RHBDD2: variants seen among roughly 807,000 people sequenced by gnomAD.
RHBDD2 encodes rhomboid domain-containing protein 2.
A neutral mutation model predicts 21.7 loss-of-function variants in RHBDD2; 13 were observed. The ratio of observed to expected loss-of-function variants is 0.60; its 90% CI spans 0.39 to 0.95. The LOEUF (loss-of-function observed/expected upper bound fraction) is 0.95, where lower values mean the gene tolerates loss of function less well. Among genes scored for constraint, RHBDD2 ranks in the 40% least tolerant of loss-of-function variants. RHBDD2 has a pLI of 0.00. For missense variants in RHBDD2, 473 were observed against 478.9 expected (o/e 0.99, Z 0.11); for synonymous variants, 225 against 220.0 (o/e 1.02, Z -0.20).
In RHBDD2 at chr7:75,879,064, C is replaced by G; in HGVS notation, c.-19C>G. 7.3e-7 allele frequency: 1 copy of G among 1,365,754 alleles called. No homozygotes were observed. The highest frequency in any genetic ancestry group is 9.5e-7 in the Non-Finnish European group (1 of 1,055,612). 84.6% of individuals were successfully genotyped at this position (1,365,754 alleles called of 1,614,324 possible). A position where few individuals can be genotyped will look rare whatever the true frequency, so the allele number is the denominator to read the frequency against. On this transcript the variant is annotated 5_prime_UTR_variant, in exon 1 of 4. Transcript: ENST00000006777. ...ACCGGCAGCCGGCGTCGAGGCGGGG[C>G]GCGGGAACGACGGCGGCCATGGCGG...
chr7:75,887,789 A>C (rs1490566767), intron 3 of RHBDD2, among the ~76,000 whole-genome samples: 1 of 152,086 alleles, frequency 6.6e-6, no homozygotes, highest in African/African-American at 2.4e-5. Flanking sequence ...CCCTTGCTGC[A>C]GGACTGCAAC....
chr7:75,880,760 G>A (rs1019853631), intron 1 of RHBDD2, among the ~76,000 whole-genome samples: 2 of 151,996 alleles, frequency 1.3e-5, no homozygotes, highest in Non-Finnish European at 2.9e-5. Context: ...TAGGGTCTTC[G>A]TCTTACCCAG....
chr7:75,880,820 G>T (rs1554542302), intron 1 of RHBDD2, among the ~76,000 whole-genome samples: 1 of 152,110 alleles, frequency 6.6e-6, no homozygotes, highest in Non-Finnish European at 1.5e-5. Flanking sequence ...TCAACTCCTG[G>T]AATCAAGCGA....
In RHBDD2 at chr7:75,882,064, G is replaced by A. The variant is rs1271070035; in HGVS notation, c.414G>A (p.Val138=). 6 of 1,614,084 alleles carry A rather than the reference G, an allele frequency of 3.7e-6. No homozygotes were observed. The highest frequency in any genetic ancestry group is 1.3e-5 in the African/African-American group (1 of 74,926). Reference sequence around the variant, plus strand: ...AGGATGCCAGAGGTTTCACCCCAGTGGCCTTTGCCATGCTGGGAGTCACCA... The same window carrying A: ...AGGATGCCAGAGGTTTCACCCCAGTAGCCTTTGCCATGCTGGGAGTCACCA... The part of the protein sequence containing the change: ...EVEDARGFTP[V]AFAMLGVTTV... The change falls in exon 2 of 4, where the codon GTG becomes GTA. Residue 138 remains valine, a synonymous_variant. Coordinates refer to ENST00000006777, the MANE Select transcript of RHBDD2 (RefSeq NM_001040456.3).
chr7:75,884,381 C>G lies in RHBDD2; in HGVS notation c.737+533C>G, dbSNP rs559523794. Among the ~76,000 whole-genome samples the G allele has an allele frequency of 1.8e-4, 27 of 152,180 alleles. No homozygotes were observed. In the South Asian group the frequency reaches 5.4e-3, roughly 30 times the overall value. On this transcript the variant is annotated intron_variant, in intron 3 of 3. Coordinates refer to ENST00000006777, the MANE Select transcript of RHBDD2 (RefSeq NM_001040456.3). ...AGACTACAGGCACATACCATCATGC[C>G]TAGCTAACTTAAATTTTTTGTAGGG...
intron 3 of RHBDD2, among the ~76,000 whole-genome samples, chr7:75,884,079 G>C (rs1352033649): frequency 3.3e-5 from 5 of 151,968 alleles, no homozygotes; most frequent in African/African-American, 1.2e-4. Context: ...ATTTTTAGTA[G>C]AGATGGGGTT....
chr7:75,887,403 T>C (rs1554544157), intron 3 of RHBDD2, among the ~76,000 whole-genome samples: 1 of 151,368 alleles, frequency 6.6e-6, no homozygotes, highest in African/African-American at 2.4e-5. Context: ...CTGCAACCTC[T>C]GCCTCCCAGG....
intron 1 of RHBDD2, among the ~76,000 whole-genome samples, chr7:75,880,790 A>G (rs1163163824): frequency 2.6e-5 from 4 of 152,150 alleles, no homozygotes; most frequent in East Asian, 3.8e-4. Context: ...CAGAGATGCA[A>G]TCATAGCTCA....
At chr7:75,879,302 C>G in intron 1 of RHBDD2, 42 bp downstream of exon 1, 1 of 1,419,334 alleles carries the variant, frequency 7.0e-7, no homozygotes, top group Non-Finnish European at 9.2e-7. Context: ...AGTCCTTGTC[C>G]TCCGACTTTG....
At chr7:75,885,449 T>C (rs1554543668) in intron 3 of RHBDD2, among the ~76,000 whole-genome samples, 1 of 152,158 alleles carries the variant, frequency 6.6e-6, no homozygotes, top group Non-Finnish European at 1.5e-5. Flanking sequence ...AGTTCTCCGC[T>C]GGTTTCTGTC....
chr7:75,881,318 T>TA (rs1554542405), intron 1 of RHBDD2: 2 of 1,284,526 alleles, frequency 1.6e-6, no homozygotes, highest in Non-Finnish European at 2.0e-6. Flanking sequence ...TTATAATTCT[T>TA]ACAGCTGCAA....
At chr7:75,879,403 C>T (rs1805184477) in intron 1 of RHBDD2, 143 bp downstream of exon 1, 3 of 743,294 alleles carry the variant, frequency 4.0e-6, no homozygotes, top group East Asian at 6.8e-5. Context: ...ATGCCCGCCC[C>T]CCGGAGGACC....
At chr7:75,879,681 C>T (rs539832230) in intron 1 of RHBDD2, among the ~76,000 whole-genome samples, 13 of 152,204 alleles carry the variant, frequency 8.5e-5, no homozygotes, top group Non-Finnish European at 1.8e-4. Context: ...TCACCTACAT[C>T]ACGACAATTG....
intron 3 of RHBDD2, among the ~76,000 whole-genome samples, chr7:75,885,775 C>G (rs965864714): frequency 6.6e-6 from 1 of 152,080 alleles, no homozygotes; most frequent in Non-Finnish European, 1.5e-5. Flanking sequence ...CTCATTACTA[C>G]GGGGAAGAAG....
chr7:75,887,871 G>A (rs1049431085), intron 3 of RHBDD2, 121 bp from the exon 4 acceptor site: 4 of 836,232 alleles, frequency 4.8e-6, no homozygotes, highest in South Asian at 1.6e-5. Context: ...GGTACTTAGA[G>A]CAAGTCACAG....
Position 75,888,041 on chromosome 7 carries a change from C to G in RHBDD2, c.787C>G (p.Leu263Val), listed in dbSNP as rs781967857. 10 of 1,613,592 alleles carry G rather than the reference C, an allele frequency of 6.2e-6. No individual in the cohort carries two copies. In the African/African-American group the frequency reaches 1.2e-4, roughly 19 times the overall value. Residue 263 changes from leucine to valine, a missense_variant, in exon 4 of 4, where the codon CTG (leucine) becomes GTG (valine). By Grantham distance (32) the Leu-to-Val change is conservative. Coordinates refer to ENST00000006777, the MANE Select transcript of RHBDD2 (RefSeq NM_001040456.3). ...CCCCACACAGAGCTGCCACCCTCACCTGTCCCCAAGCCACCCTGTGTCCCA... is the reference window on the plus strand; with the variant it reads ...CCCCACACAGAGCTGCCACCCTCACGTGTCCCCAAGCCACCCTGTGTCCCA... ...SYPTQSCHPH[L>V]SPSHPVSQTQ...
chr7:75,885,901 C>T (rs1554543747), intron 3 of RHBDD2, among the ~76,000 whole-genome samples: 2 of 152,116 alleles, frequency 1.3e-5, no homozygotes, highest in Non-Finnish European at 2.9e-5. Flanking sequence ...GAGTCTCACT[C>T]TGTGGCCCAG....
At chr7:75,884,325 G>T (rs1554543308) in intron 3 of RHBDD2, among the ~76,000 whole-genome samples, 1 of 152,108 alleles carries the variant, frequency 6.6e-6, no homozygotes, top group Non-Finnish European at 1.5e-5. Flanking sequence ...GGACTCAAGT[G>T]ATCCTCCCAC....
At chr7:75,880,553 G>A (rs1805264667) in intron 1 of RHBDD2, among the ~76,000 whole-genome samples, 1 of 152,078 alleles carries the variant, frequency 6.6e-6, no homozygotes, top group South Asian at 2.1e-4. Context: ...GGAAACTGAC[G>A]CCTAGAGGAC....
Sources: gnomAD v4.1 joint callset for allele counts (sites outside exome capture counted in the v4.1 genomes callset) on GRCh38, gnomAD v4.1.1 for gene constraint, MANE v1.5 for transcripts, NCBI Gene and HGNC (gene_info 2026-07-23, HGNC 2026-07-21) for gene names.